MTMR3: variants seen among roughly 807,000 people sequenced by gnomAD.
MTMR3 encodes the protein phosphatidylinositol-3,5-bisphosphate 3-phosphatase MTMR3.
A neutral mutation model predicts 132.4 loss-of-function variants in MTMR3; 32 were observed. The ratio of observed to expected loss-of-function variants is 0.24; its 90% confidence interval spans 0.18 to 0.32. The LOEUF is 0.32. Ranked by LOEUF, MTMR3 falls within the 10% of genes least tolerant of loss-of-function variation. The probability of loss-of-function intolerance (pLI) is 1.00; values close to 1 mark genes in which losing one functional copy is unlikely to be tolerated. For missense variants in MTMR3, 1,216 were observed against 1,489.6 expected (o/e 0.82, Z 3.02); for synonymous variants, 556 against 550.3 (o/e 1.01, Z -0.14).
chr22:30,020,273 G>A lies in MTMR3; in HGVS notation c.2614G>A (p.Gly872Ser), dbSNP rs1163159076. ...GHHRSCLVNS[G>S]KDRLPQTMEP... The stretch of plus-strand genomic sequence containing the variant: ...TCATAGATCTTGCCTTGTAAATAGT[G>A]GCAAGGACAGGCTTCCTCAGACCAT... Residue 872 changes from glycine to serine, a missense_variant, in exon 17 of 20, where the codon GGC becomes AGC. Gly to Ser is a moderately conservative substitution (Grantham distance 56). Around this residue, in one of 7 missense-constraint regions of MTMR3, gnomAD observed 852 missense variants for 852.0 expected, o/e 1.00. Coordinates refer to ENST00000401950, the MANE Select transcript of MTMR3 (RefSeq NM_021090.4). 2 of 1,614,090 alleles carry A rather than the reference G, an allele frequency of 1.2e-6. No individual in the cohort carries two copies. The highest frequency in any genetic ancestry group is 1.7e-5 in the Admixed American group (1 of 60,014).
chr22:29,936,634 A>G (rs964573960), intron 1 of MTMR3, among the ~76,000 whole-genome samples: 1 of 152,204 alleles, frequency 6.6e-6, no homozygotes, highest in Non-Finnish European at 1.5e-5. Flanking sequence ...TAAGTGTTCA[A>G]CTTTAGAATG....
intron 14 of MTMR3, chr22:30,015,149 T>G (rs2145958656): frequency 6.6e-6 from 1 of 152,076 alleles, no homozygotes; most frequent in Non-Finnish European, 1.5e-5. Context: ...CAGGGTCAAG[T>G]GATCTTCTCA....
intron 1 of MTMR3, among the ~76,000 whole-genome samples, chr22:29,931,772 A>G (rs2065650666): frequency 7.6e-6 from 1 of 132,034 alleles, no homozygotes; most frequent in East Asian, 2.3e-4. Flanking sequence ...AGAAGGGGAG[A>G]GAGAATCCTT....
chr22:29,900,110 A>G (rs1381537760), intron 1 of MTMR3, among the ~76,000 whole-genome samples: 1 of 152,198 alleles, frequency 6.6e-6, no homozygotes, highest in Non-Finnish European at 1.5e-5. Context: ...GCTTAATGAA[A>G]TTTTAAAATT....
chr22:30,022,974 T>G, intron 19 of MTMR3: 1 of 474,244 alleles, frequency 2.1e-6, no homozygotes, highest in East Asian at 3.6e-5. Context: ...GAAACCACCA[T>G]TTCTTATTCT....
intron 1 of MTMR3, among the ~76,000 whole-genome samples, chr22:29,929,713 C>T (rs958495646): frequency 6.6e-6 from 1 of 152,046 alleles, no homozygotes; most frequent in African/African-American, 2.4e-5. Flanking sequence ...AGGGTTTCAC[C>T]GTGTTAGTCA....
chr22:29,970,974 A>G lies in MTMR3; in HGVS notation c.-84-2A>G. ...CTTCCCCCTCTTCCCCCCCACCCCC[A>G]GACTTCACCATAAGGGAAAGAAGAG... On this transcript the variant is annotated splice_acceptor_variant, in intron 2 of 19. Transcript: ENST00000401950. LOFTEE classifies it low-confidence loss of function (5UTR_SPLICE). The G allele has an allele frequency of 3.9e-6, 1 of 256,016 alleles. No individual in the cohort carries two copies. The highest frequency in any genetic ancestry group is 7.1e-6 in the Non-Finnish European group (1 of 141,706). The allele number at this position is 256,016 out of a possible 1,614,324, so 15.9% of individuals were successfully genotyped here.
chr22:29,909,594 T>G (rs1012086710), intron 1 of MTMR3, among the ~76,000 whole-genome samples: 6 of 152,152 alleles, frequency 3.9e-5, no homozygotes, highest in Non-Finnish European at 5.9e-5. Context: ...TAATAAATGG[T>G]GAAGCACTTA....
intron 1 of MTMR3, among the ~76,000 whole-genome samples, chr22:29,937,704 A>G (rs375930976): frequency 1.3e-5 from 2 of 152,328 alleles, no homozygotes; most frequent in South Asian, 2.1e-4. Flanking sequence ...GGGAGTATAT[A>G]TTCAGGGCAA....
At chr22:29,892,281 A>T (rs983314253) in intron 1 of MTMR3, among the ~76,000 whole-genome samples, 1 of 152,214 alleles carries the variant, frequency 6.6e-6, no homozygotes, top group Non-Finnish European at 1.5e-5. Flanking sequence ...AAATAGTAGG[A>T]TAAGAAGCAA....
At chr22:29,995,470 T>C (rs1262923576) in intron 7 of MTMR3, 1 of 152,200 alleles carries the variant, frequency 6.6e-6, no homozygotes, top group East Asian at 1.9e-4. Context: ...GAAAATTTTT[T>C]AGATTGCTGA....
chr22:29,952,509 C>T (rs2066103877), intron 1 of MTMR3, among the ~76,000 whole-genome samples: 1 of 151,778 alleles, frequency 6.6e-6, no homozygotes, highest in South Asian at 2.1e-4. Flanking sequence ...AATGCATGGT[C>T]ATCAATAGGG....
chr22:30,003,095 T>C (rs879894181), intron 9 of MTMR3, 102 bp downstream of exon 9: 34 of 868,798 alleles, frequency 3.9e-5, no homozygotes, highest in Non-Finnish European at 5.8e-5. Flanking sequence ...TGGGGAGAGT[T>C]CAGAGAACTT....
intron 1 of MTMR3, among the ~76,000 whole-genome samples, chr22:29,910,316 A>G (rs934507528): frequency 6.6e-6 from 1 of 152,210 alleles, no homozygotes; most frequent in African/African-American, 2.4e-5. Context: ...GTGTTACTGG[A>G]AAGGTAAATA....
At chr22:29,934,789 G>C (rs1270518931) in intron 1 of MTMR3, among the ~76,000 whole-genome samples, 1 of 152,310 alleles carries the variant, frequency 6.6e-6, no homozygotes, top group African/African-American at 2.4e-5. Context: ...AGTGGGTTAA[G>C]TGGCACCTCC....
At chr22:30,015,349 C>T (rs772894029) in intron 14 of MTMR3, 2 of 152,062 alleles carry the variant, frequency 1.3e-5, no homozygotes, top group Non-Finnish European at 2.9e-5. Context: ...CATGAGTCAC[C>T]ATGCCTGTCC....
intron 1 of MTMR3, among the ~76,000 whole-genome samples, chr22:29,913,721 T>C (rs549641032): frequency 1.1e-3 from 157 of 148,054 alleles, no homozygotes; most frequent in Non-Finnish European, 2.1e-3. Flanking sequence ...TTAATGGATA[T>C]TGGGGTTTTT....
intron 1 of MTMR3, among the ~76,000 whole-genome samples, chr22:29,893,596 A>G (rs2064838423): frequency 6.6e-6 from 1 of 152,192 alleles, no homozygotes. Context: ...AATGAAGAAA[A>G]TTAGTCTTCC....
chr22:29,991,383 A>T, intron 6 of MTMR3, 121 bp from the exon 7 acceptor site: 1 of 926,896 alleles, frequency 1.1e-6, no homozygotes, highest in East Asian at 2.8e-5. Context: ...ACTGCCTCAG[A>T]TGCTTTCTTG....
Sources: allele counts gnomAD v4.1 joint callset (sites outside exome capture counted in the v4.1 genomes callset), GRCh38; gene constraint gnomAD v4.1.1; regional missense constraint gnomAD v4.1.1; transcripts MANE v1.5; gene names NCBI Gene and HGNC (gene_info 2026-07-23, HGNC 2026-07-21).